Variants in PRKG1 observed in about 807,000 individuals in gnomAD.
The protein encoded by PRKG1 is protein kinase cGMP-dependent 1.
PRKG1 carries 35 observed loss-of-function variants against 88.1 expected under a neutral mutation model. That is an observed-to-expected ratio of 0.40 (90% CI 0.30 to 0.53). The LOEUF is 0.53. Among genes scored for constraint, PRKG1 ranks in the 20% least tolerant of loss-of-function variants. The pLI, the probability that PRKG1 is intolerant of heterozygous loss-of-function variation, is 0.59. For missense variants in PRKG1, 540 were observed against 839.8 expected (o/e 0.64, Z 4.41); for synonymous variants, 303 against 292.5 (o/e 1.04, Z -0.37).
chr10:51,379,474 A>G (rs1256256692), intron 2 of PRKG1, among the ~76,000 whole-genome samples: 2 of 152,246 alleles, frequency 1.3e-5, no homozygotes, highest in African/African-American at 4.8e-5. Flanking sequence ...ATTATCTTTA[A>G]TAAAATGAAC....
chr10:51,727,281 A>T (rs1284834151), intron 3 of PRKG1, among the ~76,000 whole-genome samples: 40 of 147,556 alleles, frequency 2.7e-4, no homozygotes, highest in East Asian at 7.8e-4. Flanking sequence ...TTGCAAAAAA[A>T]AAAAATATAT....
chr10:51,314,902 A>G (rs1841281583), intron 2 of PRKG1, among the ~76,000 whole-genome samples: 1 of 152,196 alleles, frequency 6.6e-6, no homozygotes. Flanking sequence ...GTATGTCTCC[A>G]TTGGTCTCAC....
At chr10:51,562,014 G>A (rs1490242743) in intron 3 of PRKG1, among the ~76,000 whole-genome samples, 3 of 152,030 alleles carry the variant, frequency 2.0e-5, no homozygotes, top group Non-Finnish European at 4.4e-5. Flanking sequence ...TCTGAGATCA[G>A]GAGTTCGAGA....
intron 3 of PRKG1, among the ~76,000 whole-genome samples, chr10:51,729,827 C>CCCCTTTTA (rs1218282143): frequency 1.3e-5 from 2 of 150,144 alleles, no homozygotes; most frequent in African/African-American, 2.4e-5. Flanking sequence ...TTCAAATGCA[C>CCCCTTTTA]TTATACCCCT....
At chr10:51,274,774 AG>A (rs2132185117) in intron 2 of PRKG1, among the ~76,000 whole-genome samples, 1 of 152,326 alleles carries the variant, frequency 6.6e-6, no homozygotes, top group Non-Finnish European at 1.5e-5. Context: ...AAATTATGTG[AG>A]AAATTATTAT....
chr10:51,001,453 A>G (rs889170572), intron 1 of PRKG1, among the ~76,000 whole-genome samples: 4 of 152,154 alleles, frequency 2.6e-5, no homozygotes, highest in African/African-American at 9.7e-5. Context: ...ATACACATTT[A>G]TTTTCCCTTA....
chr10:52,113,647 G>C (rs1564474356), intron 7 of PRKG1, among the ~76,000 whole-genome samples: 1 of 152,150 alleles, frequency 6.6e-6, no homozygotes, highest in Non-Finnish European at 1.5e-5. Context: ...CTGTCTGGTA[G>C]TAATAGGAGA....
chr10:52,257,668 T>G (rs1348748073), intron 10 of PRKG1, among the ~76,000 whole-genome samples: 1 of 140,096 alleles, frequency 7.1e-6, no homozygotes, highest in East Asian at 2.0e-4. Context: ...TTGCTTCATT[T>G]TAACACAGCC....
intron 5 of PRKG1, among the ~76,000 whole-genome samples, chr10:52,017,132 A>T (rs1459326199): frequency 6.6e-6 from 1 of 152,240 alleles, no homozygotes. Context: ...TAAGAAAAAG[A>T]AAAACAAAAG....
intron 2 of PRKG1, among the ~76,000 whole-genome samples, chr10:51,445,734 T>C (rs1251773871): frequency 6.6e-6 from 1 of 151,846 alleles, no homozygotes; most frequent in Non-Finnish European, 1.5e-5. Context: ...GGAAGACTCA[T>C]AGGTCTTAAA....
chr10:51,003,256 G>A (rs1166914510), intron 1 of PRKG1, among the ~76,000 whole-genome samples: 1 of 152,152 alleles, frequency 6.6e-6, no homozygotes, highest in African/African-American at 2.4e-5. Flanking sequence ...GCAATAGACA[G>A]TAATATCTTT....
intron 9 of PRKG1, among the ~76,000 whole-genome samples, chr10:52,229,470 A>C (rs959882875): frequency 1.3e-5 from 2 of 152,140 alleles, no homozygotes; most frequent in African/African-American, 4.8e-5. Context: ...GGTGAGTCAT[A>C]CTGAGTAAGC....
At position 51,225,638 on chromosome 10, in the gene PRKG1, C is replaced by T. The variant is rs531641329; in HGVS notation, c.478+72308C>T. Reference sequence around the variant, plus strand: ...TTTTCTTAACTTTTTGTTTATTATACGTAAATACATTATTATTAATAATAT... The same window carrying T: ...TTTTCTTAACTTTTTGTTTATTATATGTAAATACATTATTATTAATAATAT... On this transcript the variant is annotated intron_variant, in intron 2 of 17. Transcript: ENST00000373980. Among the ~76,000 whole-genome samples, 120 of 151,910 alleles carry T rather than the reference C, an allele frequency of 7.9e-4. 2 individuals carry two copies. Among genetic ancestry groups the T allele is most frequent in the African/African-American group, 2.3e-3 (94 of 41,416 alleles).
At chr10:52,180,904 T>G (rs1839007370) in intron 9 of PRKG1, among the ~76,000 whole-genome samples, 1 of 152,186 alleles carries the variant, frequency 6.6e-6, no homozygotes, top group Admixed American at 6.5e-5. Flanking sequence ...ATGGGGCTGT[T>G]TCTTAGTCCT....
chr10:52,057,572 A>T (rs1284863202), intron 6 of PRKG1, among the ~76,000 whole-genome samples: 2 of 152,198 alleles, frequency 1.3e-5, no homozygotes, highest in African/African-American at 4.8e-5. Flanking sequence ...AGGGAACAGG[A>T]TGGGTAAGCA....
chr10:51,978,769 G>T (rs1843916386), intron 5 of PRKG1, among the ~76,000 whole-genome samples: 1 of 151,862 alleles, frequency 6.6e-6, no homozygotes, highest in Non-Finnish European at 1.5e-5. Flanking sequence ...GTTGACTGTT[G>T]TTCATGTACA....
intron 8 of PRKG1, 85 bp downstream of exon 8, chr10:52,133,990 G>C (rs1837335867): frequency 1.0e-6 from 1 of 1,000,732 alleles, no homozygotes; most frequent in Non-Finnish European, 1.5e-6. Context: ...ATTTTATGGA[G>C]CTATTAATAC....
chr10:52,264,355 C>T (rs1841514779), intron 10 of PRKG1, among the ~76,000 whole-genome samples: 2 of 152,090 alleles, frequency 1.3e-5, no homozygotes, highest in Non-Finnish European at 2.9e-5. Flanking sequence ...AAGATACTCA[C>T]AGTCTCTCAA....
intron 1 of PRKG1, among the ~76,000 whole-genome samples, chr10:51,095,372 A>G (rs1311709134): frequency 3.3e-5 from 5 of 152,052 alleles, no homozygotes; most frequent in Non-Finnish European, 7.4e-5. Context: ...GTGTTTTTGT[A>G]ATCAAATACC....
Sources: gnomAD v4.1 joint callset for allele counts (sites outside exome capture counted in the v4.1 genomes callset) on GRCh38, gnomAD v4.1.1 for gene constraint, MANE v1.5 for transcripts, NCBI Gene and HGNC (gene_info 2026-07-23, HGNC 2026-07-21) for gene names.